Variants in BRWD1 observed in about 807,000 individuals in gnomAD.
The protein encoded by BRWD1 is bromodomain and WD repeat domain containing 1.
Under a neutral mutation model 251.2 loss-of-function variants are expected in BRWD1, and 82 were observed. That is an observed-to-expected ratio of 0.33 (90% CI 0.27 to 0.39). The LOEUF is 0.39. Ranked by LOEUF, BRWD1 falls within the 10% of genes least tolerant of loss-of-function variation. The pLI, the probability that BRWD1 is intolerant of heterozygous loss-of-function variation, is 1.00. For synonymous variants in BRWD1, 918 were observed against 902.8 expected (o/e 1.02, Z -0.30); for missense variants, 2,233 against 2,711.6 (o/e 0.82, Z 3.92).
chr21:39,294,068 C>T, intron 7 of BRWD1, 36 bp from the exon 8 acceptor site: 1 of 1,538,482 alleles, frequency 6.5e-7, no homozygotes, highest in South Asian at 1.1e-5. Context: ...AATGTTAGTA[C>T]AGCAAATCTT....
chr21:39,276,315 C>T (rs35200633), intron 11 of BRWD1, 102 bp from the exon 12 acceptor site: 70,633 of 975,952 alleles, frequency 0.072, 3,225 homozygotes, highest in East Asian at 0.19. Context: ...CTTTAACAAG[C>T]AAAATTTGCA....
In BRWD1 at chr21:39,313,581, T is replaced by A; in HGVS notation, c.-90A>T. Reference sequence around the variant, plus strand: ...CTGACCGGGCTGGCGTCCCCTCTTCTCAGGCGCGCGCCGCCGCCGCCGCCG... The same window carrying A: ...CTGACCGGGCTGGCGTCCCCTCTTCACAGGCGCGCGCCGCCGCCGCCGCCG... On this transcript the variant is annotated 5_prime_UTR_variant, in exon 1 of 41. The change abolishes the stop of an existing upstream ORF in the 5' untranslated region. Coordinates refer to ENST00000342449, the MANE Select transcript of BRWD1 (RefSeq NM_033656.4). 9.1e-7 allele frequency: 1 copy of A among 1,095,286 alleles called. No individual in the cohort carries two copies. 67.8% of individuals were successfully genotyped at this position (1,095,286 alleles called of 1,614,324 possible). A position where few individuals can be genotyped will look rare whatever the true frequency, so the allele number is the denominator to read the frequency against.
upstream of BRWD1, chr21:39,317,139 G>A (rs1249908424): frequency 1.3e-5 from 2 of 152,346 alleles, no homozygotes; most frequent in South Asian, 4.1e-4. Context: ...CTGCCAGGAG[G>A]AGGAAAAAGA....
chr21:39,218,058 C>T, intron 31 of BRWD1, 94 bp downstream of exon 31: 1 of 1,293,042 alleles, frequency 7.7e-7, no homozygotes, highest in Non-Finnish European at 1.0e-6. Context: ...TGCTAATCAG[C>T]CCCCAATTCT....
intron 15 of BRWD1, among the ~76,000 whole-genome samples, chr21:39,267,526 G>A (rs1043139166): frequency 4.6e-5 from 7 of 152,054 alleles, no homozygotes; most frequent in African/African-American, 1.7e-4. Flanking sequence ...GTGAACCCGG[G>A]AGGCGGAGCT....
In BRWD1 at chr21:39,187,520, TAA is replaced by T. The variant is rs1284246868; in HGVS notation, c.*8737_*8738del. 39 of 1,422,936 alleles carry T rather than the reference TAA, an allele frequency of 2.7e-5. No individual in the cohort carries two copies. Among genetic ancestry groups the T allele is most frequent in the Non-Finnish European group, 3.4e-5 (37 of 1,091,832 alleles). 88.1% of individuals were successfully genotyped at this position (1,422,936 alleles called of 1,614,324 possible). On this transcript the variant is annotated 3_prime_UTR_variant, in exon 41 of 41. Transcript: ENST00000342449. ...AACACTCATTCGGAAACAATAAATT[TAA>T]AAGTCATATTGCTAAATGATAAATT...
intron 1 of BRWD1, among the ~76,000 whole-genome samples, chr21:39,320,442 C>G (rs2036736181): frequency 1.3e-5 from 2 of 152,094 alleles, no homozygotes; most frequent in Admixed American, 6.6e-5. Flanking sequence ...ACAATTGATC[C>G]TCCCACCTCT....
chr21:39,203,224 G>A (rs1292954059), intron 37 of BRWD1, among the ~76,000 whole-genome samples: 1 of 152,172 alleles, frequency 6.6e-6, no homozygotes, highest in African/African-American at 2.4e-5. Context: ...GCCAAGGCAG[G>A]TGGATAAATT....
At chr21:39,204,688 T>C (rs537008173) in intron 37 of BRWD1, among the ~76,000 whole-genome samples, 2 of 152,268 alleles carry the variant, frequency 1.3e-5, no homozygotes, top group East Asian at 1.9e-4. Flanking sequence ...GGAAGACAGT[T>C]TTTCCATGGA....
chr21:39,269,823 T>C (rs1179576134), intron 15 of BRWD1, 76 bp downstream of exon 15: 1 of 1,261,648 alleles, frequency 7.9e-7, no homozygotes, highest in Admixed American at 2.9e-5. Context: ...CAGATCAATT[T>C]CTGGCTAAGC....
chr21:39,266,175 A>C (rs996763052), intron 15 of BRWD1, among the ~76,000 whole-genome samples: 1 of 152,208 alleles, frequency 6.6e-6, no homozygotes, highest in Admixed American at 6.5e-5. Flanking sequence ...CTATTGTTGC[A>C]CATGAAAAGG....
In BRWD1 at chr21:39,206,248, A is replaced by C. The variant is rs376429825; in HGVS notation, c.4224T>G (p.Ser1408=). The change falls in exon 37 of 41, where the codon TCT becomes TCG. Residue 1408 remains serine, a synonymous_variant. Transcript: ENST00000342449. ...SKIYSMTLRL[S]ALFEEKMKKI... is the part of the protein sequence containing the mutation. Reference sequence around the variant, plus strand: ...TCTTCATTTTTTCTTCAAATAAGGCAGATAATCTCAAGGTCATACTATAAA... The same window carrying C: ...TCTTCATTTTTTCTTCAAATAAGGCCGATAATCTCAAGGTCATACTATAAA... The C allele has an allele frequency of 5.9e-5, 94 of 1,601,142 alleles. No homozygotes were observed. Among genetic ancestry groups the C allele is most frequent in the Admixed American group, 2.7e-4 (16 of 59,560 alleles).
chr21:39,270,864 C>T (rs1030416899), intron 13 of BRWD1, among the ~76,000 whole-genome samples: 17 of 152,186 alleles, frequency 1.1e-4, no homozygotes, highest in African/African-American at 3.9e-4. Flanking sequence ...ATAACTGACA[C>T]ACAGATGTTC....
chr21:39,205,091 A>G (rs987189068), intron 37 of BRWD1, among the ~76,000 whole-genome samples: 8 of 152,340 alleles, frequency 5.3e-5, no homozygotes, highest in East Asian at 1.9e-4. Context: ...ATATTCACAG[A>G]AATGCTTTCA....
intron 4 of BRWD1, 119 bp from the exon 5 acceptor site, chr21:39,298,701 G>C: frequency 2.5e-6 from 2 of 787,780 alleles, no homozygotes; most frequent in South Asian, 7.0e-5. Flanking sequence ...AACATGCTGA[G>C]AGAAATTAAA....
In BRWD1 at chr21:39,241,473, T is replaced by TAAAAAAAAAAAAAAAA. The variant is rs61488970; in HGVS notation, c.2482-2916_2482-2901dup. The stretch of plus-strand genomic sequence containing the variant: ...ACAGAGCAAGATTCCATCTCCAAAG[T>TAAAAAAAAAAAAAAAA]AAAAAAAAAAAAAAAAAAAAAAAAA... On this transcript the variant is annotated intron_variant, in intron 21 of 40. Transcript: ENST00000342449. 8.9e-5 allele frequency among the ~76,000 whole-genome samples: 4 copies of TAAAAAAAAAAAAAAAA among 44,920 alleles called. 2 individuals carry two copies. The highest frequency in any genetic ancestry group is 1.6e-4 in the Non-Finnish European group (4 of 24,930). The allele number at this position is 44,920 out of a possible 152,430, so 29.5% of individuals were successfully genotyped here.
In BRWD1 at chr21:39,191,095, A is replaced by T. The variant is rs1384396128; in HGVS notation, c.*5164T>A. On this transcript the variant is annotated 3_prime_UTR_variant, in exon 41 of 41. Transcript: ENST00000342449. Reference sequence around the variant, plus strand: ...GCTTAATTTGCTTTTTAGAAGCAATACCTTAAGAGCATTTCACACTAAATG... The same window carrying T: ...GCTTAATTTGCTTTTTAGAAGCAATTCCTTAAGAGCATTTCACACTAAATG... 4 of 985,224 alleles carry T rather than the reference A, an allele frequency of 4.1e-6. No individual in the cohort carries two copies. The South Asian group carries it at 1.4e-4, about 35-fold the overall frequency. 61.0% of individuals were successfully genotyped at this position (985,224 alleles called of 1,614,324 possible).
chr21:39,239,746 G>C (rs375015142), intron 21 of BRWD1, among the ~76,000 whole-genome samples: 1 of 152,258 alleles, frequency 6.6e-6, no homozygotes, highest in East Asian at 1.9e-4. Flanking sequence ...GATGATGCTG[G>C]AAAGAATTTT....
At position 39,189,074 on chromosome 21, in the gene BRWD1, T is replaced by G; in HGVS notation, c.*7185A>C. On this transcript the variant is annotated 3_prime_UTR_variant, in exon 41 of 41. Transcript: ENST00000342449. ...ACTAGTATCTCCAACAAGTCAACCC[T>G]ATATCCAAAATGAATCTTTAACACA... The G allele has an allele frequency of 1.0e-6, 1 of 984,182 alleles. No individual in the cohort carries two copies. Among genetic ancestry groups the G allele is most frequent in the Non-Finnish European group, 1.2e-6 (1 of 828,748 alleles). The allele number at this position is 984,182 out of a possible 1,614,324, so 61.0% of individuals were successfully genotyped here.
Sources: gnomAD v4.1 joint callset for allele counts (sites outside exome capture counted in the v4.1 genomes callset) on GRCh38, gnomAD v4.1.1 for gene constraint, MANE v1.5 for transcripts, NCBI Gene and HGNC (gene_info 2026-07-23, HGNC 2026-07-21) for gene names.